PTPN22: variants seen among roughly 807,000 people sequenced by gnomAD.
PTPN22 encodes tyrosine-protein phosphatase non-receptor type 22.
PTPN22 carries 85 observed loss-of-function variants against 103.3 expected under a neutral mutation model. The ratio of observed to expected loss-of-function variants is 0.82; its 90% CI spans 0.69 to 0.99. PTPN22 has a LOEUF of 0.99. PTPN22 is among the 50% of genes least tolerant of loss of function. The probability of loss-of-function intolerance (pLI) is 0.00; values close to 1 mark genes in which losing one functional copy is unlikely to be tolerated. For synonymous variants in PTPN22, 323 were observed against 310.2 expected, an observed-to-expected ratio of 1.04 and a Z score of -0.43; for missense variants, 865 against 936.9, an observed-to-expected ratio of 0.92 and a Z score of 1.00.
chr1:113,838,314 A>T, exon 13 of PTPN22: 1 of 1,612,704 alleles, frequency 6.2e-7, no homozygotes, highest in Non-Finnish European at 8.5e-7. Flanking sequence ...CTTCTTTTGC[A>T]CTTATTTCAG....
At chr1:113,866,248 C>T (rs184453740) in intron 1 of PTPN22, among the ~76,000 whole-genome samples, 1 of 152,264 alleles carries the variant, frequency 6.6e-6, no homozygotes, top group African/African-American at 2.4e-5. Context: ...CGCGGTGGCT[C>T]ACACCTGTAA....
chr1:113,833,457 G>A (rs936816098), intron 15 of PTPN22, among the ~76,000 whole-genome samples: 6 of 152,134 alleles, frequency 3.9e-5, no homozygotes, highest in African/African-American at 9.7e-5. Context: ...CATAACATTG[G>A]AAGAGTGACT....
chr1:113,838,224 G>A, exon 13 of PTPN22: 1 of 1,614,110 alleles, frequency 6.2e-7, no homozygotes, highest in Non-Finnish European at 8.5e-7. Flanking sequence ...TCATGGTTGT[G>A]TCAGCATTTT....
intron 8 of PTPN22, among the ~76,000 whole-genome samples, 177 bp from the exon 9 acceptor site, chr1:113,854,714 C>T (rs1026024029): frequency 1.5e-4 from 23 of 152,340 alleles, no homozygotes; most frequent in African/African-American, 5.5e-4. Context: ...TCCTAGGCAA[C>T]ATCTCAGAGC....
intron 18 of PTPN22, 64 bp downstream of exon 18, chr1:113,829,528 G>T (rs563352376): frequency 1.2e-4 from 98 of 799,658 alleles, no homozygotes; most frequent in Non-Finnish European, 1.9e-4. Flanking sequence ...TAATGCTGGG[G>T]AGGGGGAAAC....
chr1:113,838,551 G>C, exon 12 of PTPN22: 1 of 1,612,270 alleles, frequency 6.2e-7, no homozygotes, highest in Non-Finnish European at 8.5e-7. Context: ...CACCTTTTTG[G>C]TAAATTAGGA....
chr1:113,850,539 T>C (rs1664491244), intron 10 of PTPN22, among the ~76,000 whole-genome samples: 1 of 152,250 alleles, frequency 6.6e-6, no homozygotes, highest in South Asian at 2.1e-4. Context: ...GGAATCTTTA[T>C]GCATTTACAT....
chr1:113,841,841 G>A (rs4839345), intron 11 of PTPN22, among the ~76,000 whole-genome samples: 6 of 152,064 alleles, frequency 3.9e-5, no homozygotes, highest in Admixed American at 3.3e-4. Flanking sequence ...GACCTCAAGT[G>A]ATCTGCCCGC....
chr1:113,860,076 C>T (rs1262030575), intron 1 of PTPN22, among the ~76,000 whole-genome samples: 1 of 151,548 alleles, frequency 6.6e-6, no homozygotes, highest in East Asian at 1.9e-4. Flanking sequence ...ATTCTTCCAC[C>T]TCAGCCTCAC....
intron 7 of PTPN22, 51 bp downstream of exon 7, chr1:113,856,331 T>G (rs756155362): frequency 1.9e-5 from 28 of 1,508,950 alleles, no homozygotes; most frequent in Non-Finnish European, 2.3e-5. Flanking sequence ...CTATATTTAC[T>G]TGCCTGATCT....
Position 113,829,811 on chromosome 1 carries a change from G to A in PTPN22, c.2135-104C>T, listed in dbSNP as rs947590267. The A allele has an allele frequency of 2.5e-6, 3 of 1,185,532 alleles. No homozygotes were observed. In the African/African-American group the frequency reaches 4.7e-5, roughly 19 times the overall value. 73.4% of individuals were successfully genotyped at this position (1,185,532 alleles called of 1,614,324 possible). ...GCTTGGCTTTTTTAGGCATTATTTT[G>A]ACTATATATTAGGGGCTTTTAAAAT... On this transcript the variant is annotated intron_variant, in intron 17 of 20. Transcript: ENST00000359785.
chr1:113,870,081 T>G (rs1666452476), intron 1 of PTPN22, among the ~76,000 whole-genome samples: 1 of 152,224 alleles, frequency 6.6e-6, no homozygotes, highest in African/African-American at 2.4e-5. Flanking sequence ...TGGTTCTTTT[T>G]GTTCACCGCT....
chr1:113,837,783 T>C, exon 13 of PTPN22: 2 of 1,613,968 alleles, frequency 1.2e-6, no homozygotes, highest in Admixed American at 1.7e-5. Flanking sequence ...TTGGAGGCCA[T>C]GATGAAAAAT....
chr1:113,818,211 A>T (rs1661316606), intron 20 of PTPN22, among the ~76,000 whole-genome samples: 2 of 151,604 alleles, frequency 1.3e-5, no homozygotes, highest in South Asian at 4.2e-4. Flanking sequence ...TGTTGCCGGG[A>T]TGGAGTGCAG....
At chr1:113,835,353 C>T (rs1299334694) in intron 13 of PTPN22, among the ~76,000 whole-genome samples, 1 of 152,052 alleles carries the variant, frequency 6.6e-6, no homozygotes, top group Admixed American at 6.6e-5. Context: ...CGTGTCTCTA[C>T]TAAAAACACA....
rs756892218 is a variant in PTPN22 at position 113,854,508 on chromosome 1, C to T, written c.713G>A (p.Cys238Tyr). ...CAACATCCATGTATAATCAATAGCA[C>T]AAATAACACCAGTCCTTCCACAGCC... The change falls in exon 9 of 21, where the codon TGT becomes TAT. Residue 238 changes from cysteine to tyrosine, a missense_variant. Around this residue, in one of 3 missense-constraint regions of PTPN22, gnomAD observed 457 missense variants for 529.1 expected, o/e 0.86. Coordinates refer to ENST00000359785, the Ensembl canonical transcript of PTPN22. The T allele has an allele frequency of 6.2e-6, 10 of 1,613,940 alleles. 1 individual carries two copies. In the Admixed American group the frequency reaches 1.7e-4, roughly 27 times the overall value.
At chr1:113,848,476 G>A in intron 11 of PTPN22, 64 bp downstream of exon 11, 1 of 1,603,824 alleles carries the variant, frequency 6.2e-7, no homozygotes, top group Non-Finnish European at 8.5e-7. Context: ...CAACAAATCT[G>A]ACATCCCTTG....
intron 14 of PTPN22, 52 bp from the exon 15 acceptor site, chr1:113,834,491 A>T: frequency 6.5e-7 from 1 of 1,541,242 alleles, no homozygotes. Flanking sequence ...TCTTTTAGAC[A>T]TCAAATGTTG....
rs890030990 is a variant in PTPN22 at position 113,831,602 on chromosome 1, A to G, written c.2053+1509T>C. On this transcript the variant is annotated intron_variant, in intron 16 of 20. Transcript: ENST00000359785. ...TAGCCTACTCACCATTTCTCCATAC[A>G]CATCATGCTCATTTCTACCTTTGAG... Among the ~76,000 whole-genome samples the G allele has an allele frequency of 3.9e-5, 6 of 151,918 alleles. 1 individual carries two copies. The highest frequency in any genetic ancestry group is 1.5e-4 in the African/African-American group (6 of 41,356).
Sources: gnomAD v4.1 joint callset for allele counts (sites outside exome capture counted in the v4.1 genomes callset) on GRCh38, gnomAD v4.1.1 for gene constraint, gnomAD v4.1.1 regional missense constraint, MANE v1.5 for transcripts, NCBI Gene and HGNC (gene_info 2026-07-23, HGNC 2026-07-21) for gene names.